The following MDH1B variants were observed in gnomAD, a reference collection of about 807,000 sequenced individuals.
The protein encoded by MDH1B is malate dehydrogenase 1B.
A neutral mutation model predicts 61.4 loss-of-function variants in MDH1B; 60 were observed. That is an observed-to-expected ratio of 0.98 (90% CI 0.79 to 1.21). The LOEUF (loss-of-function observed/expected upper bound fraction) is 1.21. Ranked by LOEUF, MDH1B falls within the 50% of genes most tolerant of loss-of-function variation. MDH1B has a pLI of 0.00. For missense variants in MDH1B, 587 were observed against 632.1 expected (o/e 0.93, Z 0.76); for synonymous variants, 236 against 218.7 (o/e 1.08, Z -0.70).
chr2:206,743,466 C>T (rs1460186841), intron 9 of MDH1B, among the ~76,000 whole-genome samples: 1 of 152,084 alleles, frequency 6.6e-6, no homozygotes, highest in African/African-American at 2.4e-5. Context: ...GGCTAAGTTC[C>T]TCCAGGCTTT....
Position 206,745,629 on chromosome 2 carries a change from G to A in MDH1B, c.1401C>T (p.Tyr467=), listed in dbSNP as rs149785651. ...TCACGTCTAAGAGCTTACCTGATTG[G>A]TATGGCTGAAAATGTATCTTGTCTC... is the stretch of plus-strand genomic sequence containing the variant. ...ALGDKIHFQP[Y]QSGHKDLVPD... is the part of the protein sequence containing the mutation. The change falls in exon 9 of 12, where the codon TAC becomes TAT. Residue 467 remains tyrosine (Y), a synonymous_variant. Coordinates refer to ENST00000374412, the MANE Select transcript of MDH1B (RefSeq NM_001039845.3). The A allele has an allele frequency of 7.5e-6, 12 of 1,610,612 alleles. No homozygotes were observed. Among genetic ancestry groups the A allele is most frequent in the South Asian group, 4.4e-5 (4 of 90,206 alleles).
At position 206,751,065 on chromosome 2, in the gene MDH1B, G is replaced by A. The variant is rs146327472; in HGVS notation, c.921C>T (p.Asp307=). 1.2e-4 allele frequency: 192 copies of A among 1,569,362 alleles called. No individual in the cohort carries two copies. Among genetic ancestry groups the A allele is most frequent in the African/African-American group, 2.0e-4 (15 of 73,534 alleles). The change falls in exon 6 of 12, where the codon GAC becomes GAT. Residue 307 remains aspartate, a synonymous_variant. Transcript: ENST00000374412. ...CACTGATATTACCCCAAATGATCAC[G>A]TCTTTAATGTCTGTGAAGAATAGAA... The part of the protein sequence containing the change: ...KLKTAPSYIK[D]VIIWGNISGN...
intron 3 of MDH1B, 92 bp downstream of exon 3, chr2:206,757,145 C>G: frequency 6.6e-7 from 1 of 1,519,852 alleles, no homozygotes; most frequent in Non-Finnish European, 8.9e-7. Context: ...TAAAAAGAGA[C>G]ATGAGAGAAT....
chr2:206,764,128 A>C (rs1327585339), intron 1 of MDH1B, among the ~76,000 whole-genome samples: 1 of 151,912 alleles, frequency 6.6e-6, no homozygotes, highest in African/African-American at 2.4e-5. Context: ...ACAAAACCCC[A>C]TCTCTACAAA....
intron 2 of MDH1B, among the ~76,000 whole-genome samples, chr2:206,760,573 G>A (rs149805970): frequency 1.3e-5 from 2 of 152,220 alleles, no homozygotes; most frequent in African/African-American, 2.4e-5. Flanking sequence ...TCCCAAAGAA[G>A]GGTATCCCAA....
intron 7 of MDH1B, 81 bp from the exon 8 acceptor site, chr2:206,746,507 G>C (rs1164291040): frequency 3.6e-6 from 5 of 1,380,816 alleles, no homozygotes. Context: ...TGTAGAAAAT[G>C]ACAGACATAG....
intron 6 of MDH1B, 54 bp downstream of exon 6, chr2:206,750,880 A>G (rs1688395816): frequency 7.1e-7 from 1 of 1,412,272 alleles, no homozygotes; most frequent in African/African-American, 1.4e-5. Context: ...GATTACAACC[A>G]TTAAACATTT....
At chr2:206,755,967 A>G (rs1688737593) in intron 4 of MDH1B, among the ~76,000 whole-genome samples, 1 of 151,944 alleles carries the variant, frequency 6.6e-6, no homozygotes, top group Non-Finnish European at 1.5e-5. Context: ...TACACAGAAA[A>G]ATCCTTACAA....
chr2:206,762,943 T>C lies in MDH1B; in HGVS notation c.23-1930A>G, dbSNP rs1314180508. Among the ~76,000 whole-genome samples the C allele has an allele frequency of 2.6e-5, 4 of 152,200 alleles. No individual in the cohort carries two copies. The East Asian group carries it at 7.7e-4, about 29-fold the overall frequency. On this transcript the variant is annotated intron_variant, in intron 1 of 11. Coordinates refer to ENST00000374412, the MANE Select transcript of MDH1B (RefSeq NM_001039845.3). The stretch of plus-strand genomic sequence containing the variant: ...TCCTTTATCAACCCATTAAAAGGTA[T>C]CATTCTGAGAAGCATCTTGTCTTTA...
intron 1 of MDH1B, 45 bp downstream of exon 1, chr2:206,765,205 G>A: frequency 6.3e-7 from 1 of 1,596,472 alleles, no homozygotes; most frequent in South Asian, 1.1e-5. Context: ...GTGAGCTGTT[G>A]TCGGCGTTTT....
rs201485898 is a variant in MDH1B, at chr2:206,757,033, T to C, written c.278A>G (p.Tyr93Cys). The C allele has an allele frequency of 2.1e-5, 34 of 1,612,876 alleles. 1 individual carries two copies. In the Middle Eastern group the frequency reaches 1.7e-3, roughly 78 times the overall value. The change falls in exon 4 of 12, where the codon TAT (tyrosine) becomes TGT (cysteine). Residue 93 changes from tyrosine (Y) to cysteine (C), a missense_variant. Physicochemically the swap from Tyr to Cys is radical, Grantham distance 194. Transcript: ENST00000374412. The stretch of plus-strand genomic sequence containing the variant: ...AGTCGTCATGCTAGAGGTGACATCA[T>C]AGTAAAGCTAAATATTGGGAGAGAA... ...NEFLEHAQLY[Y>C]DVTSSMTTEL... is the part of the protein sequence containing the mutation.
chr2:206,749,452 G>A (rs180739672), intron 6 of MDH1B, among the ~76,000 whole-genome samples: 113 of 152,200 alleles, frequency 7.4e-4, no homozygotes, highest in African/African-American at 2.5e-3. Flanking sequence ...GGCTGAAAAT[G>A]GCAAGAACCA....
chr2:206,757,907 CA>C (rs1468495980), intron 2 of MDH1B, among the ~76,000 whole-genome samples: 3 of 152,082 alleles, frequency 2.0e-5, no homozygotes, highest in Non-Finnish European at 4.4e-5. Flanking sequence ...CTAGGCCTTC[CA>C]ATGACAAGAT....
intron 7 of MDH1B, among the ~76,000 whole-genome samples, chr2:206,747,109 T>C (rs1055155073): frequency 5.9e-5 from 9 of 151,800 alleles, no homozygotes; most frequent in African/African-American, 2.2e-4. Context: ...CTCGATCACA[T>C]AAGAAAATTA....
At chr2:206,754,572 T>C (rs1688645966) in intron 5 of MDH1B, among the ~76,000 whole-genome samples, 2 of 152,220 alleles carry the variant, frequency 1.3e-5, no homozygotes, top group Non-Finnish European at 1.5e-5. Flanking sequence ...AGATAGGCAC[T>C]GTTAACGTCC....
At chr2:206,757,852 A>AAGTAGAATAAG in intron 2 of MDH1B, among the ~76,000 whole-genome samples, 3 of 152,198 alleles carry the variant, frequency 2.0e-5, no homozygotes, top group African/African-American at 7.2e-5. Context: ...TTCCGACAAT[A>AAGTAGAATAAG]TTTATCAGAA....
chr2:206,739,956 G>A (rs1687717689), intron 10 of MDH1B, among the ~76,000 whole-genome samples: 1 of 152,030 alleles, frequency 6.6e-6, no homozygotes, highest in Non-Finnish European at 1.5e-5. Context: ...ATAAACCACT[G>A]GGCAACTTCT....
intron 5 of MDH1B, 109 bp from the exon 6 acceptor site, chr2:206,751,184 T>G (rs1307613347): frequency 1.3e-6 from 1 of 750,170 alleles, no homozygotes; most frequent in Non-Finnish European, 2.0e-6. Flanking sequence ...GATTGGTCTT[T>G]TTGGTATAAA....
intron 7 of MDH1B, among the ~76,000 whole-genome samples, chr2:206,748,459 A>T (rs1011981316): frequency 6.6e-6 from 1 of 152,212 alleles, no homozygotes; most frequent in African/African-American, 2.4e-5. Context: ...GTTTATATGC[A>T]GTATTCGTGG....
Sources: allele counts gnomAD v4.1 joint callset (sites outside exome capture counted in the v4.1 genomes callset), GRCh38; gene constraint gnomAD v4.1.1; transcripts MANE v1.5; gene names NCBI Gene and HGNC (gene_info 2026-07-23, HGNC 2026-07-21).